The following SYNPR variants were observed in gnomAD, a reference collection of about 807,000 sequenced individuals.
SYNPR encodes synaptoporin.
A neutral mutation model predicts 32.9 loss-of-function variants in SYNPR; 23 were observed. That is an observed-to-expected ratio of 0.70 (90% CI 0.50 to 0.99). The LOEUF is 0.99. SYNPR is among the 50% of genes least tolerant of loss of function. SYNPR has a pLI of 0.00. For missense variants in SYNPR, 318 were observed against 349.3 expected, an observed-to-expected ratio of 0.91 and a Z score of 0.71; for synonymous variants, 146 against 135.9, an observed-to-expected ratio of 1.07 and a Z score of -0.52.
intron 2 of SYNPR, among the ~76,000 whole-genome samples, chr3:63,408,954 G>A (rs1027914129): frequency 6.6e-6 from 1 of 152,186 alleles, no homozygotes; most frequent in East Asian, 1.9e-4. Flanking sequence ...TCTTCATGGA[G>A]TCTCTCCTGT....
At chr3:63,581,339 T>C (rs1703088445) in intron 4 of SYNPR, among the ~76,000 whole-genome samples, 1 of 113,714 alleles carries the variant, frequency 8.8e-6, no homozygotes, top group African/African-American at 2.9e-5. Context: ...GGGTAGGTGG[T>C]TGTAGCACTA....
chr3:63,359,707 C>G (rs916396846), intron 2 of SYNPR, among the ~76,000 whole-genome samples: 2 of 152,152 alleles, frequency 1.3e-5, no homozygotes, highest in African/African-American at 4.8e-5. Flanking sequence ...AGGTATCTTA[C>G]AAACAGATCT....
chr3:63,308,175 A>C (rs2086927227), intron 2 of SYNPR, among the ~76,000 whole-genome samples: 1 of 151,984 alleles, frequency 6.6e-6, no homozygotes, highest in Non-Finnish European at 1.5e-5. Context: ...TTGCTTTGTA[A>C]TTGTTGGAAC....
chr3:63,394,535 A>AT (rs368702851), intron 2 of SYNPR, among the ~76,000 whole-genome samples: 73 of 151,508 alleles, frequency 4.8e-4, no homozygotes, highest in African/African-American at 1.4e-3. Context: ...TTGCATCTGT[A>AT]TTTTTTTTTC....
chr3:63,557,176 G>C (rs946673396), intron 4 of SYNPR, among the ~76,000 whole-genome samples: 2 of 151,902 alleles, frequency 1.3e-5, no homozygotes, highest in African/African-American at 4.8e-5. Flanking sequence ...ACTTTCTGTT[G>C]CCTCGTACAA....
chr3:63,483,856 A>G (rs2106702556), intron 3 of SYNPR, among the ~76,000 whole-genome samples: 1 of 152,344 alleles, frequency 6.6e-6, no homozygotes, highest in East Asian at 1.9e-4. Context: ...TTCTTCTAAA[A>G]TGTCACAAGC....
At chr3:63,416,116 A>G (rs1400499435) in intron 2 of SYNPR, among the ~76,000 whole-genome samples, 2 of 152,244 alleles carry the variant, frequency 1.3e-5, no homozygotes, top group Non-Finnish European at 2.9e-5. Context: ...ACTGAACTTT[A>G]CATTTCAGTT....
intron 2 of SYNPR, among the ~76,000 whole-genome samples, chr3:63,308,938 A>C (rs1314885011): frequency 6.6e-6 from 1 of 151,860 alleles, no homozygotes; most frequent in Non-Finnish European, 1.5e-5. Context: ...TATTTTCCGA[A>C]TTTCCTTTTT....
At chr3:63,381,920 T>C (rs2087976119) in intron 2 of SYNPR, among the ~76,000 whole-genome samples, 1 of 152,176 alleles carries the variant, frequency 6.6e-6, no homozygotes, top group Non-Finnish European at 1.5e-5. Flanking sequence ...CAGGCATTTA[T>C]TTACGCACAA....
intron 3 of SYNPR, among the ~76,000 whole-genome samples, chr3:63,531,369 G>A (rs1044855900): frequency 6.6e-6 from 1 of 152,010 alleles, no homozygotes; most frequent in Non-Finnish European, 1.5e-5. Flanking sequence ...GGTTTTGGGT[G>A]GAATCAGAGA....
In SYNPR at chr3:63,360,183, CT is replaced by C. The variant is rs140659019; in HGVS notation, c.84+81444del. The stretch of plus-strand genomic sequence containing the variant: ...GCCTCTATTCTTGTAAACATACACC[CT>C]TTCACCCAGTTATTGTAGCCCAAAA... On this transcript the variant is annotated intron_variant, in intron 2 of 5. Coordinates refer to ENST00000478300, the MANE Select transcript of SYNPR (RefSeq NM_001130003.2). Among the ~76,000 whole-genome samples, 1,294 of 152,292 alleles carry C rather than the reference CT, an allele frequency of 8.5e-3. 26 individuals are homozygous for C. The highest frequency in any genetic ancestry group is 0.028 in the African/African-American group (1,151 of 41,552).
chr3:63,591,721 C>G (rs1370246804), intron 4 of SYNPR, among the ~76,000 whole-genome samples: 1 of 132,072 alleles, frequency 7.6e-6, no homozygotes, highest in South Asian at 2.8e-4. Flanking sequence ...AAACCAAACA[C>G]CGCATATTCT....
intron 3 of SYNPR, among the ~76,000 whole-genome samples, chr3:63,533,188 G>A (rs141562043): frequency 2.0e-5 from 3 of 152,262 alleles, no homozygotes; most frequent in African/African-American, 7.2e-5. Flanking sequence ...GGTATGGTGT[G>A]TCCTTAATAG....
At position 63,405,155 on chromosome 3, in the gene SYNPR, G is replaced by C. The variant is rs1575627356; in HGVS notation, c.85-75677G>C. ...CTCCTCTGTCCTTCCCCTTTCTCAA[G>C]TGAGAAGCATGGCTGCATGCAGTGA... On this transcript the variant is annotated intron_variant, in intron 2 of 5. Transcript: ENST00000478300. Among the ~76,000 whole-genome samples, 6 of 152,256 alleles carry C rather than the reference G, an allele frequency of 3.9e-5. 1 individual carries two copies. The highest frequency in any genetic ancestry group is 1.9e-4 in the East Asian group (1 of 5,186).
intron 2 of SYNPR, among the ~76,000 whole-genome samples, chr3:63,305,565 A>G (rs958677929): frequency 2.0e-5 from 3 of 152,048 alleles, no homozygotes; most frequent in African/African-American, 7.2e-5. Context: ...TTCAAACTAC[A>G]TTGTGATAAA....
chr3:63,245,264 T>C (rs2086275470), intron 1 of SYNPR, among the ~76,000 whole-genome samples: 1 of 152,040 alleles, frequency 6.6e-6, no homozygotes, highest in Non-Finnish European at 1.5e-5. Flanking sequence ...TCAACTTTAT[T>C]TACCCTCAAA....
At chr3:63,419,851 C>T (rs1189690428) in intron 2 of SYNPR, among the ~76,000 whole-genome samples, 1 of 152,172 alleles carries the variant, frequency 6.6e-6, no homozygotes, top group Non-Finnish European at 1.5e-5. Flanking sequence ...TTTTAGACAT[C>T]AGCTCATAAG....
At chr3:63,359,245 A>T (rs1209976682) in intron 2 of SYNPR, among the ~76,000 whole-genome samples, 3 of 152,262 alleles carry the variant, frequency 2.0e-5, no homozygotes, top group South Asian at 4.1e-4. Context: ...TGTTTTTGAT[A>T]TCATGTAGAT....
chr3:63,358,055 T>A (rs1341166724), intron 2 of SYNPR, among the ~76,000 whole-genome samples: 1 of 152,160 alleles, frequency 6.6e-6, no homozygotes, highest in African/African-American at 2.4e-5. Context: ...CTTTTTGCAG[T>A]ATAGGGTGCC....
Sources: allele counts gnomAD v4.1 joint callset (sites outside exome capture counted in the v4.1 genomes callset), GRCh38; gene constraint gnomAD v4.1.1; transcripts MANE v1.5; gene names NCBI Gene and HGNC (gene_info 2026-07-23, HGNC 2026-07-21).